ST18: variants seen among roughly 807,000 people sequenced by gnomAD.
ST18 encodes the protein suppression of tumorigenicity 18 protein.
In ST18, 50 loss-of-function variants were observed where a neutral mutation model predicts 110.0. The observed-to-expected ratio is 0.45, with a 90% CI of 0.36 to 0.58. The LOEUF (loss-of-function observed/expected upper bound fraction) is 0.58, where lower values mean the gene tolerates loss of function less well. Among genes scored for constraint, ST18 ranks in the 20% least tolerant of loss-of-function variants. The pLI, the probability that ST18 is intolerant of heterozygous loss-of-function variation, is 0.00. For missense variants in ST18, 1,306 were observed against 1,280.1 expected, an observed-to-expected ratio of 1.02 and a Z score of -0.31; for synonymous variants, 461 against 452.4, an observed-to-expected ratio of 1.02 and a Z score of -0.24.
intron 22 of ST18, among the ~76,000 whole-genome samples, chr8:52,127,753 T>G (rs1240028630): frequency 6.6e-6 from 1 of 151,906 alleles, no homozygotes; most frequent in Non-Finnish European, 1.5e-5. Context: ...TGCCACTTGA[T>G]TTTGTGTCTT....
intron 9 of ST18, among the ~76,000 whole-genome samples, chr8:52,173,157 C>A (rs951987400): frequency 2.6e-5 from 4 of 152,300 alleles, no homozygotes; most frequent in Admixed American, 2.6e-4. Context: ...ATACATCTTT[C>A]TGAGGCTTTC....
chr8:52,357,339 T>C (rs2140389918), intron 2 of ST18, among the ~76,000 whole-genome samples: 1 of 152,124 alleles, frequency 6.6e-6, no homozygotes, highest in Admixed American at 6.6e-5. Context: ...CAGTGACTAC[T>C]TTAAATGTAA....
At chr8:52,353,297 A>G (rs1221195463) in intron 2 of ST18, among the ~76,000 whole-genome samples, 1 of 152,244 alleles carries the variant, frequency 6.6e-6, no homozygotes, top group Non-Finnish European at 1.5e-5. Flanking sequence ...AATAAGCACA[A>G]TCTTTCTTAG....
chr8:52,391,690 A>G (rs73586660), intron 2 of ST18, among the ~76,000 whole-genome samples: 6,000 of 152,272 alleles, frequency 0.039, 406 homozygotes, highest in African/African-American at 0.14. Context: ...TGTAGTGGGC[A>G]CTACCATCCA....
At chr8:52,167,999 T>G (rs1269658907) in intron 10 of ST18, among the ~76,000 whole-genome samples, 1 of 151,912 alleles carries the variant, frequency 6.6e-6, no homozygotes, top group Admixed American at 6.6e-5. Flanking sequence ...AGATGAGGCC[T>G]TATTCAGAAA....
At chr8:52,306,224 A>G (rs1312854073) in intron 2 of ST18, among the ~76,000 whole-genome samples, 3 of 152,200 alleles carry the variant, frequency 2.0e-5, no homozygotes, top group Non-Finnish European at 4.4e-5. Context: ...TCTTAACTAA[A>G]AGGCTAATTT....
intron 5 of ST18, among the ~76,000 whole-genome samples, chr8:52,218,492 G>A (rs942276291): frequency 1.3e-4 from 19 of 150,668 alleles, no homozygotes; most frequent in African/African-American, 4.6e-4. Context: ...GGTTCAAGCG[G>A]TTCTCCTGCC....
intron 2 of ST18, among the ~76,000 whole-genome samples, chr8:52,386,148 G>A (rs1836656648): frequency 2.0e-5 from 3 of 152,188 alleles, no homozygotes; most frequent in African/African-American, 7.2e-5. Flanking sequence ...AGAAGGGATT[G>A]GTTACATAAA....
At chr8:52,187,551 C>A (rs953998491) in intron 8 of ST18, among the ~76,000 whole-genome samples, 1 of 152,152 alleles carries the variant, frequency 6.6e-6, no homozygotes, top group Non-Finnish European at 1.5e-5. Context: ...TTTGTAGAGG[C>A]CAATTGTTGA....
chr8:52,329,580 C>T (rs1426157559), intron 2 of ST18, among the ~76,000 whole-genome samples: 2 of 152,068 alleles, frequency 1.3e-5, no homozygotes, highest in African/African-American at 4.8e-5. Context: ...CATGGCAAAA[C>T]CCAGTCTCTA....
At chr8:52,347,436 T>C (rs2140277959) in intron 2 of ST18, among the ~76,000 whole-genome samples, 1 of 152,294 alleles carries the variant, frequency 6.6e-6, no homozygotes, top group African/African-American at 2.4e-5. Flanking sequence ...ATGGCGTTAT[T>C]GATATGGACC....
At chr8:52,176,182 C>A (rs144266469) in intron 9 of ST18, among the ~76,000 whole-genome samples, 1 of 151,968 alleles carries the variant, frequency 6.6e-6, no homozygotes, top group South Asian at 2.1e-4. Context: ...CCACCGCATC[C>A]GGCTAATATT....
chr8:52,391,253 T>G (rs1839233588), intron 2 of ST18, among the ~76,000 whole-genome samples: 1 of 152,174 alleles, frequency 6.6e-6, no homozygotes, highest in African/African-American at 2.4e-5. Flanking sequence ...CAAATGTATC[T>G]TTGCTTGCTA....
intron 2 of ST18, among the ~76,000 whole-genome samples, chr8:52,330,854 C>T (rs1047363349): frequency 6.6e-6 from 1 of 152,082 alleles, no homozygotes; most frequent in East Asian, 1.9e-4. Flanking sequence ...TCTTAGCGAG[C>T]CCACAGACAA....
chr8:52,261,314 G>T (rs969217524), intron 2 of ST18, among the ~76,000 whole-genome samples: 3 of 152,150 alleles, frequency 2.0e-5, no homozygotes, highest in African/African-American at 7.2e-5. Flanking sequence ...GATGATAAAT[G>T]ATGTGATTTG....
intron 2 of ST18, among the ~76,000 whole-genome samples, chr8:52,398,909 G>A (rs921948234): frequency 2.0e-5 from 3 of 151,746 alleles, no homozygotes; most frequent in Non-Finnish European, 4.4e-5. Context: ...CTTTTTCTGT[G>A]GTGTCTTTGT....
At chr8:52,182,498 T>C (rs1455439305) in intron 8 of ST18, among the ~76,000 whole-genome samples, 1 of 152,224 alleles carries the variant, frequency 6.6e-6, no homozygotes, top group African/African-American at 2.4e-5. Context: ...TGCAACTACA[T>C]AGATGAAGCT....
chr8:52,124,115 T>C (rs2046053969), intron 23 of ST18, among the ~76,000 whole-genome samples: 1 of 152,206 alleles, frequency 6.6e-6, no homozygotes, highest in East Asian at 1.9e-4. Flanking sequence ...CACGTCTTAG[T>C]GTCCTCAGGG....
intron 2 of ST18, among the ~76,000 whole-genome samples, chr8:52,311,776 C>A (rs530798490): frequency 2.2e-4 from 34 of 152,220 alleles, no homozygotes; most frequent in African/African-American, 7.9e-4. Context: ...GGGGGAAATG[C>A]CCCCATGATT....
Sources: allele counts gnomAD v4.1 joint callset (sites outside exome capture counted in the v4.1 genomes callset), GRCh38; gene constraint gnomAD v4.1.1; transcripts MANE v1.5; gene names NCBI Gene and HGNC (gene_info 2026-07-23, HGNC 2026-07-21).